The following NDUFAF2 variants were observed in gnomAD, a reference collection of about 807,000 sequenced individuals.
NDUFAF2 encodes NADH dehydrogenase [ubiquinone] 1 alpha subcomplex assembly factor 2.
A neutral mutation model predicts 22.8 loss-of-function variants in NDUFAF2; 13 were observed. The ratio of observed to expected loss-of-function variants is 0.57; its 90% CI spans 0.37 to 0.91. NDUFAF2 has a LOEUF of 0.91. Among genes scored for constraint, NDUFAF2 ranks in the 40% least tolerant of loss-of-function variants. The pLI is 0.01. For missense variants in NDUFAF2, 162 were observed against 195.2 expected (o/e 0.83, Z 1.01); for synonymous variants, 53 against 64.2 (o/e 0.83, Z 0.84).
chr5:61,138,139 A>G (rs1740991608), intron 3 of NDUFAF2, among the ~76,000 whole-genome samples: 1 of 152,190 alleles, frequency 6.6e-6, no homozygotes, highest in Non-Finnish European at 1.5e-5. Context: ...ATATCTCCAT[A>G]TTTGCCACAG....
At chr5:61,106,357 T>A (rs140858740) in intron 3 of NDUFAF2, among the ~76,000 whole-genome samples, 1 of 151,514 alleles carries the variant, frequency 6.6e-6, no homozygotes. Flanking sequence ...CTTTCTATGA[T>A]GCACTGAGGA....
intron 1 of NDUFAF2, among the ~76,000 whole-genome samples, chr5:61,024,956 G>C (rs1356251831): frequency 6.6e-6 from 1 of 151,764 alleles, no homozygotes; most frequent in Non-Finnish European, 1.5e-5. Flanking sequence ...CCTCTGCCTA[G>C]AATGTCTCTC....
intron 1 of NDUFAF2, among the ~76,000 whole-genome samples, chr5:60,960,417 T>C (rs760352979): frequency 6.6e-6 from 1 of 152,226 alleles, no homozygotes; most frequent in Non-Finnish European, 1.5e-5. Flanking sequence ...AAACTCAATT[T>C]GCATTCTTTT....
At chr5:60,975,285 T>G (rs1332102205) in intron 1 of NDUFAF2, among the ~76,000 whole-genome samples, 2 of 152,108 alleles carry the variant, frequency 1.3e-5, no homozygotes, top group African/African-American at 4.8e-5. Context: ...TATTTTGAAG[T>G]CTCAAGTGAG....
At chr5:60,992,099 G>A (rs1161841522) in intron 1 of NDUFAF2, among the ~76,000 whole-genome samples, 2 of 152,148 alleles carry the variant, frequency 1.3e-5, no homozygotes, top group South Asian at 2.1e-4. Context: ...GTCTTCTTTT[G>A]AGAAATGTCT....
chr5:61,011,050 C>G (rs1580093801), intron 1 of NDUFAF2, among the ~76,000 whole-genome samples: 1 of 152,124 alleles, frequency 6.6e-6, no homozygotes, highest in African/African-American at 2.4e-5. Flanking sequence ...GGATCTGTCA[C>G]CATTTGAGCC....
intron 1 of NDUFAF2, among the ~76,000 whole-genome samples, chr5:60,992,147 A>G (rs1021155028): frequency 6.6e-6 from 1 of 152,012 alleles, no homozygotes; most frequent in Non-Finnish European, 1.5e-5. Context: ...TAATTATTGG[A>G]TTTTCCCCTG....
chr5:60,993,702 C>T (rs1268287795), intron 1 of NDUFAF2, among the ~76,000 whole-genome samples: 4 of 152,090 alleles, frequency 2.6e-5, no homozygotes, highest in Admixed American at 1.3e-4. Context: ...ATGGATAGCT[C>T]CTCTCTGCAG....
chr5:61,003,473 T>C (rs989241420), intron 1 of NDUFAF2, among the ~76,000 whole-genome samples: 2 of 152,012 alleles, frequency 1.3e-5, no homozygotes, highest in Non-Finnish European at 2.9e-5. Flanking sequence ...AACAAGGTAC[T>C]ATCCATCAAA....
intron 1 of NDUFAF2, among the ~76,000 whole-genome samples, chr5:61,024,052 T>C (rs1410388466): frequency 6.6e-6 from 1 of 152,186 alleles, no homozygotes; most frequent in Non-Finnish European, 1.5e-5. Context: ...TTTAGCAAAG[T>C]ATTATTTTGA....
rs117367838 is a variant in NDUFAF2, at chr5:61,082,043, T to C, written c.217+8829T>C. Among the ~76,000 whole-genome samples, 44 of 152,306 alleles carry C rather than the reference T, an allele frequency of 2.9e-4. 1 individual carries two copies. In the East Asian group the frequency reaches 7.9e-3, roughly 27 times the overall value. ...ACAGAAAGACCATACTTCTTAATTT[T>C]TGTTAGTCCCCAAAGCAAAGATAAA... On this transcript the variant is annotated intron_variant, in intron 2 of 3. Coordinates refer to ENST00000296597, the MANE Select transcript of NDUFAF2 (RefSeq NM_174889.5).
intron 1 of NDUFAF2, among the ~76,000 whole-genome samples, chr5:61,055,383 C>T (rs1393049025): frequency 1.3e-5 from 2 of 152,014 alleles, no homozygotes. Flanking sequence ...CATTGATTAG[C>T]AGTGAAATCA....
intron 1 of NDUFAF2, among the ~76,000 whole-genome samples, chr5:61,051,979 CTACTT>C (rs1752029829): frequency 6.6e-6 from 1 of 152,148 alleles, no homozygotes; most frequent in African/African-American, 2.4e-5. Context: ...AATCAAACAA[CTACTT>C]AGAGAAGTAT....
chr5:60,982,037 T>C (rs924887498), intron 1 of NDUFAF2, among the ~76,000 whole-genome samples: 5 of 152,160 alleles, frequency 3.3e-5, no homozygotes, highest in Non-Finnish European at 5.9e-5. Flanking sequence ...TACTTTGAAC[T>C]GGGCAAAAAT....
intron 1 of NDUFAF2, among the ~76,000 whole-genome samples, chr5:61,066,629 G>A (rs766443460): frequency 2.4e-4 from 36 of 151,918 alleles, no homozygotes; most frequent in East Asian, 5.8e-4. Flanking sequence ...AAAAATCTGC[G>A]GATGATCAAT....
chr5:61,049,897 A>ACACG (rs565147464), intron 1 of NDUFAF2, among the ~76,000 whole-genome samples: 2,512 of 151,208 alleles, frequency 0.017, 78 homozygotes, highest in African/African-American at 0.058. Flanking sequence ...ACACACACAC[A>ACACG]CACACACACA....
intron 1 of NDUFAF2, among the ~76,000 whole-genome samples, chr5:60,970,182 G>T (rs1164703919): frequency 6.6e-6 from 1 of 152,038 alleles, no homozygotes; most frequent in African/African-American, 2.4e-5. Flanking sequence ...TGTTCATCTT[G>T]CTTAGAATAG....
chr5:60,946,206 TG>T (rs1173341892), intron 1 of NDUFAF2, among the ~76,000 whole-genome samples: 1 of 152,130 alleles, frequency 6.6e-6, no homozygotes, highest in Non-Finnish European at 1.5e-5. Context: ...TGTCAGGTTT[TG>T]GGCGAAGAGG....
chr5:61,063,366 G>T (rs909773173), intron 1 of NDUFAF2, among the ~76,000 whole-genome samples: 1 of 151,806 alleles, frequency 6.6e-6, no homozygotes, highest in Non-Finnish European at 1.5e-5. Context: ...AAGTTAGCTG[G>T]GTGTTGTGGC....
Sources: allele counts gnomAD v4.1 joint callset (sites outside exome capture counted in the v4.1 genomes callset), GRCh38; gene constraint gnomAD v4.1.1; transcripts MANE v1.5; gene names NCBI Gene and HGNC (gene_info 2026-07-23, HGNC 2026-07-21).